The following TAAR5 variants were observed in gnomAD, a reference collection of about 807,000 sequenced individuals.
The protein encoded by TAAR5 is trace amine-associated receptor 5.
TAAR5 carries 27 observed loss-of-function variants against 21.1 expected under a neutral mutation model. The ratio of observed to expected loss-of-function variants is 1.28; its 90% CI spans 0.94 to 1.76. The LOEUF (loss-of-function observed/expected upper bound fraction) is 1.76, where lower values mean the gene tolerates loss of function less well. TAAR5 is among the 40% of genes most tolerant of loss of function. The pLI is 0.00. For synonymous variants in TAAR5, 203 were observed against 167.5 expected (o/e 1.21, Z -1.64); for missense variants, 495 against 405.6 (o/e 1.22, Z -1.89).
rs200684368 is a variant in TAAR5 at position 132,588,706 on chromosome 6, C to A, written c.981G>T (p.Pro327=). ...GGTACAAATCAACAGTGCGTGTCTG[C>A]GGTGAGAAGACCTTCTGGCTCAGTG... is the stretch of plus-strand genomic sequence containing the variant. The part of the protein sequence containing the change: ...KLTLSQKVFS[P]QTRTVDLYQE The change falls in exon 1 of 1, where the codon CCG becomes CCT. Residue 327 remains proline (P), a synonymous_variant. Transcript: ENST00000258034. 6.2e-7 allele frequency: 1 copy of A among 1,613,498 alleles called. No homozygotes were observed. Among genetic ancestry groups the A allele is most frequent in the Admixed American group, 1.7e-5 (1 of 59,960 alleles).
upstream of TAAR5, among the ~76,000 whole-genome samples, chr6:132,591,942 C>A (rs1208938179): frequency 6.6e-6 from 1 of 152,208 alleles, no homozygotes; most frequent in African/African-American, 2.4e-5. Flanking sequence ...AGTGCAGTCT[C>A]TGGCATGTAG....
At chr6:132,599,860 TCAGTCAGGGTC>T in the TAAR5 span, among the ~76,000 whole-genome samples, 2 of 152,228 alleles carry the variant, frequency 1.3e-5, no homozygotes, top group Non-Finnish European at 2.9e-5. Context: ...TTTGATTGCT[TCAGTCAGGGTC>T]CAGTCAGGAG....
rs201646566 is a variant in TAAR5 at position 132,589,057 on chromosome 6, G to C, written c.630C>G (p.Val210=). The change falls in exon 1 of 1, where the codon GTC becomes GTG. Residue 210 remains valine (V), a synonymous_variant. Coordinates refer to ENST00000258034, the MANE Select transcript of TAAR5 (RefSeq NM_003967.3). ...ACAAGCTGATCATAATGAGGCAGGG[G>C]ACAAAGAACAAAGGGAAGTTTAACC... ...WGWLNFPLFF[V]PCLIMISLYV... 1 of 1,614,062 alleles carries C rather than the reference G, an allele frequency of 6.2e-7. No individual in the cohort carries two copies. Among genetic ancestry groups the C allele is most frequent in the East Asian group, 2.2e-5 (1 of 44,838 alleles).
At chr6:132,598,285 C>A in the TAAR5 span, among the ~76,000 whole-genome samples, 4 of 152,094 alleles carry the variant, frequency 2.6e-5, no homozygotes, top group Admixed American at 6.5e-5. Flanking sequence ...TCTTTCAAAT[C>A]TCAGTGATTT....
chr6:132,593,250 G>T (rs1263769647), upstream of TAAR5, among the ~76,000 whole-genome samples: 1 of 152,118 alleles, frequency 6.6e-6, no homozygotes, highest in African/African-American at 2.4e-5. Context: ...GGCCTCTTGT[G>T]CCTGGCTCTG....
chr6:132,600,972 G>A, the TAAR5 span, among the ~76,000 whole-genome samples: 23 of 121,566 alleles, frequency 1.9e-4, no homozygotes, highest in South Asian at 9.3e-4. Context: ...AAGGAGGGAA[G>A]GAGGGAAAGA....
At chr6:132,615,990 T>C in the TAAR5 span, among the ~76,000 whole-genome samples, 2 of 152,038 alleles carry the variant, frequency 1.3e-5, no homozygotes, top group African/African-American at 2.4e-5. Flanking sequence ...TACTATCTAT[T>C]TTCTTCTATT....
chr6:132,603,302 C>CAAA, the TAAR5 span, among the ~76,000 whole-genome samples: 11 of 99,248 alleles, frequency 1.1e-4, no homozygotes, highest in African/African-American at 3.5e-4. Flanking sequence ...GACCCTATCT[C>CAAA]AAAAAAAAAA....
chr6:132,608,501 T>G, the TAAR5 span: 612 of 455,978 alleles, frequency 1.3e-3, 7 homozygotes, highest in African/African-American at 0.011. Context: ...CCCATTACTA[T>G]ACCCAGTGTC....
chr6:132,599,581 C>A, the TAAR5 span, among the ~76,000 whole-genome samples: 1 of 151,758 alleles, frequency 6.6e-6, no homozygotes, highest in South Asian at 2.1e-4. Flanking sequence ...CACCTGCATC[C>A]GCCTCCCAAA....
chr6:132,591,427 A>G (rs1018627926), upstream of TAAR5, among the ~76,000 whole-genome samples: 31 of 152,174 alleles, frequency 2.0e-4, no homozygotes, highest in African/African-American at 6.8e-4. Context: ...GGAGGTTGGT[A>G]TGCACCTCTC....
At chr6:132,610,278 A>G in the TAAR5 span, among the ~76,000 whole-genome samples, 2 of 152,196 alleles carry the variant, frequency 1.3e-5, no homozygotes, top group Admixed American at 6.5e-5. Flanking sequence ...CATTGTGCCT[A>G]TAACAAAGCA....
At chr6:132,601,109 A>G in the TAAR5 span, among the ~76,000 whole-genome samples, 1,605 of 22,582 alleles carry the variant, frequency 0.071, no homozygotes, top group African/African-American at 0.12. Context: ...AGGAGGGAAG[A>G]AGGGAAGGAG....
At chr6:132,615,574 C>G in the TAAR5 span, among the ~76,000 whole-genome samples, 1 of 151,668 alleles carries the variant, frequency 6.6e-6, no homozygotes, top group African/African-American at 2.4e-5. Context: ...TAACTTACTA[C>G]AAAATTCTCG....
chr6:132,604,152 T>C, the TAAR5 span, among the ~76,000 whole-genome samples: 3 of 147,818 alleles, frequency 2.0e-5, no homozygotes, highest in Non-Finnish European at 4.5e-5. Flanking sequence ...TTTTCTTTTT[T>C]TTTTTTTTTT....
upstream of TAAR5, among the ~76,000 whole-genome samples, chr6:132,592,819 T>C (rs747820967): frequency 6.6e-6 from 1 of 152,176 alleles, no homozygotes; most frequent in Admixed American, 6.5e-5. Context: ...ATTTATAAGT[T>C]CTTATTTATA....
the TAAR5 span, among the ~76,000 whole-genome samples, chr6:132,613,965 T>C: frequency 6.6e-6 from 1 of 152,212 alleles, no homozygotes; most frequent in Admixed American, 6.5e-5. Context: ...TGTACAAGCA[T>C]ATAAATAAAT....
chr6:132,589,337 A>G lies in TAAR5; in HGVS notation c.350T>C (p.Phe117Ser). Reference sequence around the variant, plus strand: ...GAGATGGAAGATGGAGGTGAGGCAGAAGAGGGTGTCCAGGTAGGTGTGCAG... The same window carrying G: ...GAGATGGAAGATGGAGGTGAGGCAGGAGAGGGTGTCCAGGTAGGTGTGCAG... ...CRLHTYLDTL[F>S]CLTSIFHLCF... Residue 117 changes from phenylalanine (F) to serine (S), a missense_variant, in exon 1 of 1, where the codon TTC becomes TCC. Physicochemically the swap from Phe to Ser is radical, Grantham distance 155. Coordinates refer to ENST00000258034, the MANE Select transcript of TAAR5 (RefSeq NM_003967.3). 1.2e-6 allele frequency: 2 copies of G among 1,614,030 alleles called. No individual in the cohort carries two copies. The highest frequency in any genetic ancestry group is 1.7e-5 in the Admixed American group (1 of 60,008).
At chr6:132,595,311 C>A in the TAAR5 span, 3 of 152,752 alleles carry the variant, frequency 2.0e-5, no homozygotes, top group African/African-American at 7.2e-5. Context: ...TCACTATAGA[C>A]CCGATCATGA....
Sources: gnomAD v4.1 joint callset for allele counts (sites outside exome capture counted in the v4.1 genomes callset) on GRCh38, gnomAD v4.1.1 for gene constraint, MANE v1.5 for transcripts, NCBI Gene and HGNC (gene_info 2026-07-23, HGNC 2026-07-21) for gene names.